TMC2: variants seen among roughly 807,000 people sequenced by gnomAD.
The protein encoded by TMC2 is transmembrane channel like 2.
TMC2 carries 102 observed loss-of-function variants against 105.9 expected under a neutral mutation model. That is an observed-to-expected ratio of 0.96 (90% confidence interval 0.82 to 1.14). The LOEUF (loss-of-function observed/expected upper bound fraction) is 1.14. Among genes scored for constraint, TMC2 ranks in the 50% most tolerant of loss-of-function variants. The pLI, the probability that TMC2 is intolerant of heterozygous loss-of-function variation, is 0.00. For synonymous variants in TMC2, 402 were observed against 422.8 expected (o/e 0.95, Z 0.60); for missense variants, 1,093 against 1,134.3 (o/e 0.96, Z 0.52).
chr20:2,582,307 G>T (rs531402472), intron 7 of TMC2, among the ~76,000 whole-genome samples: 3 of 152,146 alleles, frequency 2.0e-5, no homozygotes. Flanking sequence ...GAAGTGTCCT[G>T]TTGGTCAAAG....
chr20:2,551,307 T>C (rs1020805067), intron 2 of TMC2, among the ~76,000 whole-genome samples: 4 of 152,106 alleles, frequency 2.6e-5, no homozygotes, highest in African/African-American at 4.8e-5. Flanking sequence ...TTTTTAATTG[T>C]TTGTTTTCTT....
intron 17 of TMC2, among the ~76,000 whole-genome samples, chr20:2,626,616 G>A (rs1025752621): frequency 2.0e-5 from 3 of 152,212 alleles, no homozygotes; most frequent in East Asian, 3.8e-4. Flanking sequence ...TAGTATTGTG[G>A]CCATCTTTGG....
At chr20:2,560,981 T>TGGAG (rs916884138) in intron 3 of TMC2, among the ~76,000 whole-genome samples, 3 of 152,292 alleles carry the variant, frequency 2.0e-5, no homozygotes, top group Non-Finnish European at 4.4e-5. Context: ...AGCCCTGCTG[T>TGGAG]CCAATATGAC....
chr20:2,634,807 T>C (rs1027240581), intron 17 of TMC2, among the ~76,000 whole-genome samples: 6 of 152,336 alleles, frequency 3.9e-5, no homozygotes, highest in Admixed American at 3.9e-4. Flanking sequence ...TCTCTTCACC[T>C]GTCCTTTATT....
chr20:2,590,387 T>C (rs748776189), intron 7 of TMC2, among the ~76,000 whole-genome samples: 13 of 152,180 alleles, frequency 8.5e-5, no homozygotes, highest in Non-Finnish European at 1.5e-4. Flanking sequence ...GGATATATAG[T>C]AGTTAATTTC....
chr20:2,577,757 A>T (rs866336825), intron 5 of TMC2, among the ~76,000 whole-genome samples: 3 of 151,942 alleles, frequency 2.0e-5, no homozygotes, highest in South Asian at 2.1e-4. Flanking sequence ...TACAAAAAAT[A>T]AAAAAAATTA....
At chr20:2,639,883 C>A (rs1374405533) in intron 19 of TMC2, among the ~76,000 whole-genome samples, 1 of 152,172 alleles carries the variant, frequency 6.6e-6, no homozygotes, top group African/African-American at 2.4e-5. Flanking sequence ...TTCCAGAGAT[C>A]ATCTCTGTTT....
intron 7 of TMC2, among the ~76,000 whole-genome samples, chr20:2,583,425 G>A (rs983412418): frequency 6.6e-6 from 1 of 151,752 alleles, no homozygotes; most frequent in African/African-American, 2.4e-5. Context: ...AGGAACTGAG[G>A]CCCTTAGTCC....
Position 2,561,918 on chromosome 20 carries a change from C to A in TMC2, c.462C>A (p.Ala154=). The change falls in exon 4 of 20, where the codon GCC becomes GCA. Residue 154 remains alanine, a synonymous_variant. Transcript: ENST00000358864. ...AGTCCCTGTCCGAGGAGGAACTGGC[C>A]CAGATCCTGGAGCAGGTGGAAGAAA... ...GGESLSEEEL[A]QILEQVEEKK... 6.2e-7 allele frequency: 1 copy of A among 1,614,244 alleles called. No individual in the cohort carries two copies. The highest frequency in any genetic ancestry group is 1.1e-5 in the South Asian group (1 of 91,090).
At chr20:2,573,400 A>G (rs2086116849) in intron 5 of TMC2, among the ~76,000 whole-genome samples, 1 of 152,082 alleles carries the variant, frequency 6.6e-6, no homozygotes, top group Non-Finnish European at 1.5e-5. Flanking sequence ...TTATTTCTGC[A>G]CATTTGATAG....
chr20:2,608,300 TTTATTA>T (rs61608674), intron 11 of TMC2, among the ~76,000 whole-genome samples: 1,585 of 134,590 alleles, frequency 0.012, 21 homozygotes, highest in African/African-American at 0.033. Context: ...CTTATTTTTA[TTTATTA>T]TTATTATTAT....
Position 2,592,466 on chromosome 20 carries a change from C to T in TMC2, c.933+58C>T. ...TTGTGATTATAAAGGCTAAAGATTG[C>T]ATGGATAAGTATGAAATAGTGCGTT... On this transcript the variant is annotated intron_variant, in intron 8 of 19. Transcript: ENST00000358864. This position sits in a 1 kb window ranked among gnomAD's most constrained non-coding sequence, Gnocchi z 4.9. 7 of 1,158,080 alleles carry T rather than the reference C, an allele frequency of 6.0e-6. No homozygotes were observed. The highest frequency in any genetic ancestry group is 9.2e-6 in the Non-Finnish European group (7 of 764,494). 71.7% of individuals were successfully genotyped at this position (1,158,080 alleles called of 1,614,324 possible).
chr20:2,607,229 T>C (rs1190682351), intron 11 of TMC2, among the ~76,000 whole-genome samples: 1 of 152,144 alleles, frequency 6.6e-6, no homozygotes, highest in African/African-American at 2.4e-5. Context: ...TTAACGGAGC[T>C]CTCTCTTCCA....
Position 2,643,206 on chromosome 20 carries a change from T to C in TMC2, c.*1855T>C, listed in dbSNP as rs2086700185. ...TCCAAGCCCCAAATCCAAAACTGCC[T>C]GTGTGTCATATGCCTTCCCCCAAGC... On this transcript the variant is annotated 3_prime_UTR_variant, in exon 20 of 20. Coordinates refer to ENST00000358864, the MANE Select transcript of TMC2 (RefSeq NM_080751.3). Among the ~76,000 whole-genome samples the C allele has an allele frequency of 6.6e-6, 1 of 152,190 alleles. No individual in the cohort carries two copies. The highest frequency in any genetic ancestry group is 1.5e-5 in the Non-Finnish European group (1 of 68,032).
intron 16 of TMC2, among the ~76,000 whole-genome samples, chr20:2,620,742 T>C (rs2207153): frequency 1.4e-4 from 21 of 152,114 alleles, no homozygotes; most frequent in African/African-American, 3.4e-4. Flanking sequence ...AGGGTGGAAG[T>C]GTTCTTCCAA....
intron 5 of TMC2, among the ~76,000 whole-genome samples, chr20:2,578,229 A>G (rs1358728903): frequency 3.9e-5 from 6 of 152,120 alleles, no homozygotes; most frequent in Non-Finnish European, 8.8e-5. Flanking sequence ...CTGAGGCAGG[A>G]GAATAGCTTG....
At chr20:2,541,066 G>A (rs948709426) in intron 2 of TMC2, among the ~76,000 whole-genome samples, 9 of 152,094 alleles carry the variant, frequency 5.9e-5, no homozygotes, top group Admixed American at 5.9e-4. Context: ...CTCCTAACTT[G>A]CTACCACAAT....
At chr20:2,632,745 A>G (rs1220997482) in intron 17 of TMC2, among the ~76,000 whole-genome samples, 1 of 151,904 alleles carries the variant, frequency 6.6e-6, no homozygotes, top group Non-Finnish European at 1.5e-5. Flanking sequence ...GCCCGCCACT[A>G]TGCCCAGCTA....
At chr20:2,605,421 T>A (rs1600125777) in intron 11 of TMC2, among the ~76,000 whole-genome samples, 1 of 152,136 alleles carries the variant, frequency 6.6e-6, no homozygotes. Flanking sequence ...GGCTTGCAGG[T>A]GTCTGTCTTC....
Sources: gnomAD v4.1 joint callset for allele counts (sites outside exome capture counted in the v4.1 genomes callset) on GRCh38, gnomAD v4.1.1 for gene constraint, Gnocchi (gnomAD v3.1) non-coding constraint, MANE v1.5 for transcripts, NCBI Gene and HGNC (gene_info 2026-07-23, HGNC 2026-07-21) for gene names.